The following OR3A2 variants were observed in gnomAD, a reference collection of about 807,000 sequenced individuals.
The protein encoded by OR3A2 is olfactory receptor family 3 subfamily A member 2, also known as olfactory receptor 3A2.
For missense variants in OR3A2, 318 were observed against 392.8 expected, an observed-to-expected ratio of 0.81 and a Z score of 1.61; for synonymous variants, 126 against 159.3, an observed-to-expected ratio of 0.79 and a Z score of 1.57.
chr17:3,383,848 C>T (rs2049757630), exon 2 of OR3A2: 1 of 152,124 alleles, frequency 6.6e-6, no homozygotes, highest in Non-Finnish European at 1.5e-5. Context: ...GTCCATCACC[C>T]TCTCCTTCAC....
At chr17:3,376,699 C>T (rs2150667593) in intron 2 of OR3A2, among the ~76,000 whole-genome samples, 1 of 152,268 alleles carries the variant, frequency 6.6e-6, no homozygotes, top group East Asian at 1.9e-4. Flanking sequence ...CCCAGGCTAC[C>T]AGCCTCCCCA....
chr17:3,369,587 G>C (rs921647981), intron 2 of OR3A2, among the ~76,000 whole-genome samples: 1 of 152,132 alleles, frequency 6.6e-6, no homozygotes, highest in African/African-American at 2.4e-5. Context: ...AAACCCACTT[G>C]ATCTTCGTAT....
chr17:3,343,815 G>A (rs187939977), intron 2 of OR3A2, among the ~76,000 whole-genome samples: 5 of 152,108 alleles, frequency 3.3e-5, no homozygotes, highest in East Asian at 1.9e-4. Flanking sequence ...CCTCCCTGAC[G>A]TAGCCCACAT....
At chr17:3,380,990 G>A (rs1191340521) in intron 2 of OR3A2, among the ~76,000 whole-genome samples, 2 of 152,110 alleles carry the variant, frequency 1.3e-5, no homozygotes, top group Non-Finnish European at 2.9e-5. Context: ...ATTTGTTTGG[G>A]GGCAGGGCAT....
chr17:3,291,769 C>T, intron 3 of OR3A2: 1 of 1,613,792 alleles, frequency 6.2e-7, no homozygotes, highest in Non-Finnish European at 8.5e-7. Context: ...TTATCCTTGT[C>T]TGAAAGCTTG....
intron 2 of OR3A2, among the ~76,000 whole-genome samples, chr17:3,382,737 T>C (rs1245751281): frequency 6.6e-6 from 1 of 152,234 alleles, no homozygotes; most frequent in East Asian, 1.9e-4. Context: ...CAAGCATCTG[T>C]ATATCTGGTG....
In OR3A2 at chr17:3,383,291, G is replaced by A. The variant is rs139557378; in HGVS notation, c.-179+513C>T. On this transcript the variant is annotated intron_variant, in intron 2 of 4. Coordinates refer to the OR3A2 transcript ENST00000573491. ...ACTTAAACAACTACAGTCCTCCAGC[G>A]CTGGACTGGCCTATCTCAAGAAGCC... Among the ~76,000 whole-genome samples, 680 of 152,298 alleles carry A rather than the reference G, an allele frequency of 4.5e-3. 5 individuals carry two copies. The highest frequency in any genetic ancestry group is 0.01 in the Middle Eastern group (3 of 294).
chr17:3,351,926 A>G (rs974194411), intron 2 of OR3A2, among the ~76,000 whole-genome samples: 4 of 152,168 alleles, frequency 2.6e-5, no homozygotes, highest in Non-Finnish European at 4.4e-5. Context: ...AAACCAAGCA[A>G]TGGGGAAAGG....
At chr17:3,379,093 C>T (rs909470070) in intron 2 of OR3A2, among the ~76,000 whole-genome samples, 1 of 152,152 alleles carries the variant, frequency 6.6e-6, no homozygotes, top group Non-Finnish European at 1.5e-5. Context: ...AAGGCTGGGA[C>T]CCCATATGCT....
At position 3,377,178 on chromosome 17, in the gene OR3A2, T is replaced by C. The variant is rs550456482; in HGVS notation, c.-179+6626A>G. 2.0e-5 allele frequency among the ~76,000 whole-genome samples: 3 copies of C among 152,304 alleles called. No individual in the cohort carries two copies. The East Asian group carries it at 5.8e-4, about 29-fold the overall frequency. On this transcript the variant is annotated intron_variant, in intron 2 of 4. Coordinates refer to the OR3A2 transcript ENST00000573491. ...CTGTAGTGATTCTTGTAGAGAAAGT[T>C]CACAATGTGAGTCTCCACACGGTGT...
intron 2 of OR3A2, among the ~76,000 whole-genome samples, chr17:3,378,220 G>C (rs1361829769): frequency 6.6e-6 from 1 of 152,196 alleles, no homozygotes; most frequent in African/African-American, 2.4e-5. Flanking sequence ...GCATCTGTAG[G>C]CCCATGCCAA....
chr17:3,279,411 T>C (rs1411894733), intron 1 of OR3A2, among the ~76,000 whole-genome samples: 1 of 152,224 alleles, frequency 6.6e-6, no homozygotes, highest in Non-Finnish European at 1.5e-5. Flanking sequence ...TAGATTTAGA[T>C]GAAGTTTTCC....
At chr17:3,382,939 C>T (rs149656558) in intron 2 of OR3A2, among the ~76,000 whole-genome samples, 124 of 152,250 alleles carry the variant, frequency 8.1e-4, no homozygotes, top group Non-Finnish European at 1.5e-3. Context: ...AGCACAATGC[C>T]GGACCCAATA....
At chr17:3,381,484 C>T (rs754559617) in intron 2 of OR3A2, among the ~76,000 whole-genome samples, 2 of 152,148 alleles carry the variant, frequency 1.3e-5, no homozygotes, top group Non-Finnish European at 1.5e-5. Flanking sequence ...GGAGCCCAGC[C>T]CTGTGCCTCG....
intron 2 of OR3A2, among the ~76,000 whole-genome samples, chr17:3,353,268 GT>G (rs2049435753): frequency 6.6e-6 from 1 of 151,768 alleles, no homozygotes; most frequent in African/African-American, 2.4e-5. Flanking sequence ...AATTGGTAGA[GT>G]CTTTAGGTTT....
chr17:3,299,739 T>C (rs1258212811), intron 3 of OR3A2, among the ~76,000 whole-genome samples: 2 of 152,192 alleles, frequency 1.3e-5, no homozygotes, highest in Non-Finnish European at 2.9e-5. Context: ...TCACACTTGC[T>C]TTTCCAGTGA....
chr17:3,308,905 G>GTATTT (rs6145955), intron 3 of OR3A2, among the ~76,000 whole-genome samples: 5 of 150,498 alleles, frequency 3.3e-5, no homozygotes, highest in South Asian at 2.1e-4. Flanking sequence ...GGATCACTGA[G>GTATTT]TATTTTATTT....
chr17:3,373,768 C>G (rs1427971257), intron 2 of OR3A2, among the ~76,000 whole-genome samples: 2 of 152,104 alleles, frequency 1.3e-5, no homozygotes, highest in Non-Finnish European at 2.9e-5. Context: ...CATCTTTTAA[C>G]TGGGGCACTT....
chr17:3,325,221 T>TC (rs2049161515), intron 3 of OR3A2, among the ~76,000 whole-genome samples: 1 of 149,032 alleles, frequency 6.7e-6, no homozygotes, highest in Non-Finnish European at 1.5e-5. Flanking sequence ...TTTTTTTTTT[T>TC]TTTTTGAGAC....
Sources: allele counts gnomAD v4.1 joint callset (sites outside exome capture counted in the v4.1 genomes callset), GRCh38; gene constraint gnomAD v4.1.1; transcripts MANE v1.5; gene names NCBI Gene and HGNC (gene_info 2026-07-23, HGNC 2026-07-21).